SMIM13: variants seen among roughly 807,000 people sequenced by gnomAD.
SMIM13 encodes small integral membrane protein 13.
Under a neutral mutation model 5.9 loss-of-function variants are expected in SMIM13, and 3 were observed. The observed-to-expected ratio is 0.51, with a 90% CI of 0.23 to 1.31. The LOEUF (loss-of-function observed/expected upper bound fraction) is 1.31, where lower values mean the gene tolerates loss of function less well. Among genes scored for constraint, SMIM13 ranks in the 40% most tolerant of loss-of-function variants. The pLI, the probability that SMIM13 is intolerant of heterozygous loss-of-function variation, is 0.18. For synonymous variants in SMIM13, 55 were observed against 46.0 expected, an observed-to-expected ratio of 1.19 and a Z score of -0.79; for missense variants, 85 against 109.9, an observed-to-expected ratio of 0.77 and a Z score of 1.01.
At chr6:11,117,988 G>A (rs1221625146) in intron 1 of SMIM13, among the ~76,000 whole-genome samples, 1 of 151,638 alleles carries the variant, frequency 6.6e-6, no homozygotes, top group Non-Finnish European at 1.5e-5. Context: ...CGCCCGCCTC[G>A]GCCTCCCAAA....
chr6:11,116,060 C>G (rs191684059), intron 1 of SMIM13, among the ~76,000 whole-genome samples: 1 of 120,376 alleles, frequency 8.3e-6, no homozygotes, highest in East Asian at 3.0e-4. Context: ...CTCTGTCACT[C>G]AGACTGGAGT....
Position 11,105,258 on chromosome 6 carries a change from C to T in SMIM13, c.76+10869C>T, listed in dbSNP as rs768463887. ...TTCCAATAACGGGAAATCAGGATGGCGGTAGGCTGCTAGTGAAGGCGTGAG... is the reference window on the plus strand; with the variant it reads ...TTCCAATAACGGGAAATCAGGATGGTGGTAGGCTGCTAGTGAAGGCGTGAG... On this transcript the variant is annotated intron_variant, in intron 1 of 1. Coordinates refer to ENST00000416247, the MANE Select transcript of SMIM13 (RefSeq NM_001135575.2). The T allele has an allele frequency of 3.5e-5, 57 of 1,613,874 alleles. No individual in the cohort carries two copies. The highest frequency in any genetic ancestry group is 2.7e-4 in the South Asian group (25 of 91,066).
intron 1 of SMIM13, among the ~76,000 whole-genome samples, chr6:11,119,472 G>A (rs1398881810): frequency 6.6e-6 from 1 of 152,074 alleles, no homozygotes; most frequent in Non-Finnish European, 1.5e-5. Flanking sequence ...GGCTAACACG[G>A]TGAACCTCCG....
chr6:11,103,900 A>T, intron 1 of SMIM13: 1 of 1,551,720 alleles, frequency 6.4e-7, no homozygotes, highest in Non-Finnish European at 8.7e-7. Flanking sequence ...TCCCAATTTA[A>T]CCAACCCTGA....
intron 1 of SMIM13, among the ~76,000 whole-genome samples, chr6:11,096,761 G>A (rs889549028): frequency 2.0e-5 from 3 of 151,794 alleles, no homozygotes; most frequent in Non-Finnish European, 4.4e-5. Context: ...GTGCAATGGC[G>A]TGATCTCGGC....
chr6:11,105,705 T>C, intron 1 of SMIM13: 1 of 188,330 alleles, frequency 5.3e-6, no homozygotes. Context: ...GGTTCCATCC[T>C]TCCAGGCGTT....
At position 11,134,675 on chromosome 6, in the gene SMIM13, A is replaced by C; in HGVS notation, c.*73A>C. ...TACTGACTTCGCTTTGAAATTTACT[A>C]ATGACTGAAGAACATTTGTATTGGA... On this transcript the variant is annotated 3_prime_UTR_variant, in exon 2 of 2. Transcript: ENST00000416247. 1 of 1,098,520 alleles carries C rather than the reference A, an allele frequency of 9.1e-7. No individual in the cohort carries two copies. Among genetic ancestry groups the C allele is most frequent in the Non-Finnish European group, 1.2e-6 (1 of 815,804 alleles). 68.0% of individuals were successfully genotyped at this position (1,098,520 alleles called of 1,614,324 possible).
At chr6:11,127,423 C>T (rs1437110752) in intron 1 of SMIM13, among the ~76,000 whole-genome samples, 1 of 152,240 alleles carries the variant, frequency 6.6e-6, no homozygotes, top group African/African-American at 2.4e-5. Context: ...GGACTACTGT[C>T]TTCCAGCCAC....
rs1016393988 is a variant in SMIM13, at chr6:11,135,469, C to G, written c.*867C>G. 6.6e-6 allele frequency: 1 copy of G among 152,518 alleles called. No homozygotes were observed. Among genetic ancestry groups the G allele is most frequent in the African/African-American group, 2.4e-5 (1 of 41,412 alleles). 9.4% of individuals were successfully genotyped at this position (152,518 alleles called of 1,614,324 possible). ...CAAAGCCACAAGAGGCTGGTGTGAC[C>G]GATTCATGCGTCGAGCAGGACTATC... On this transcript the variant is annotated 3_prime_UTR_variant, in exon 2 of 2. Coordinates refer to ENST00000416247, the MANE Select transcript of SMIM13 (RefSeq NM_001135575.2).
chr6:11,104,190 A>G, intron 1 of SMIM13: 1 of 1,551,650 alleles, frequency 6.4e-7, no homozygotes, highest in East Asian at 2.4e-5. Flanking sequence ...AGCTTTTGTG[A>G]TTCCAGCAAT....
At chr6:11,123,672 T>C (rs1758339498) in intron 1 of SMIM13, among the ~76,000 whole-genome samples, 1 of 152,222 alleles carries the variant, frequency 6.6e-6, no homozygotes, top group African/African-American at 2.4e-5. Context: ...AGTTAGCTGT[T>C]ATTATTTTTA....
intron 1 of SMIM13, among the ~76,000 whole-genome samples, chr6:11,114,911 C>T (rs567844607): frequency 6.6e-6 from 1 of 151,956 alleles, no homozygotes. Context: ...TATTTTTTCT[C>T]TTTTAAGTCT....
In SMIM13 at chr6:11,094,007, G is replaced by T. The variant is rs900260644; in HGVS notation, c.-307G>T. On this transcript the variant is annotated 5_prime_UTR_variant, in exon 1 of 2. Transcript: ENST00000416247. Reference sequence around the variant, plus strand: ...CCATGGAAGCGCATCCGACCGCTGGGGTCTCTGGGTGCCGCGGCCTCGGCT... The same window carrying T: ...CCATGGAAGCGCATCCGACCGCTGGTGTCTCTGGGTGCCGCGGCCTCGGCT... The T allele has an allele frequency of 6.6e-6, 1 of 152,414 alleles. No individual in the cohort carries two copies. Among genetic ancestry groups the T allele is most frequent in the African/African-American group, 2.4e-5 (1 of 41,470 alleles). 9.4% of individuals were successfully genotyped at this position (152,414 alleles called of 1,614,324 possible).
At chr6:11,117,844 G>T (rs1369650104) in intron 1 of SMIM13, among the ~76,000 whole-genome samples, 1 of 152,004 alleles carries the variant, frequency 6.6e-6, no homozygotes, top group African/African-American at 2.4e-5. Flanking sequence ...CCGCCTCCCG[G>T]ATTCAAGCGA....
At chr6:11,132,445 A>T (rs1455381717) in intron 1 of SMIM13, among the ~76,000 whole-genome samples, 1 of 152,208 alleles carries the variant, frequency 6.6e-6, no homozygotes, top group African/African-American at 2.4e-5. Flanking sequence ...GTCCATGGAG[A>T]AACTTGTACA....
intron 1 of SMIM13, among the ~76,000 whole-genome samples, chr6:11,111,134 A>T (rs906870028): frequency 1.3e-5 from 2 of 152,234 alleles, no homozygotes; most frequent in Admixed American, 6.5e-5. Context: ...AAGGGAGTCC[A>T]TCTCTTGGTT....
intron 1 of SMIM13, among the ~76,000 whole-genome samples, chr6:11,121,487 G>A (rs1240610666): frequency 6.6e-6 from 1 of 152,130 alleles, no homozygotes; most frequent in African/African-American, 2.4e-5. Context: ...AAATACATAT[G>A]CTCACCTGGG....
Position 11,135,226 on chromosome 6 carries a change from A to G in SMIM13, c.*624A>G, listed in dbSNP as rs1758503979. ...TACATTTGATATTAGTGAAGCAAAT[A>G]TTCGTCGCTGGAGAAATGATCGCAA... is the stretch of plus-strand genomic sequence containing the variant. On this transcript the variant is annotated 3_prime_UTR_variant, in exon 2 of 2. Transcript: ENST00000416247. The G allele has an allele frequency of 1.3e-5, 2 of 152,660 alleles. No individual in the cohort carries two copies. The highest frequency in any genetic ancestry group is 1.3e-4 in the Admixed American group (2 of 15,284). The allele number at this position is 152,660 out of a possible 1,614,324, so 9.5% of individuals were successfully genotyped here.
chr6:11,124,424 C>T (rs945596550), intron 1 of SMIM13, among the ~76,000 whole-genome samples: 9 of 152,158 alleles, frequency 5.9e-5, no homozygotes, highest in Non-Finnish European at 2.9e-5. Flanking sequence ...GCTTCCAAAT[C>T]TTGACTATTG....
Sources: gnomAD v4.1 joint callset for allele counts (sites outside exome capture counted in the v4.1 genomes callset) on GRCh38, gnomAD v4.1.1 for gene constraint, MANE v1.5 for transcripts, NCBI Gene and HGNC (gene_info 2026-07-23, HGNC 2026-07-21) for gene names.